The following ACOXL variants were observed in gnomAD, a reference collection of about 807,000 sequenced individuals.
ACOXL encodes the protein acyl-CoA oxidase like.
Under a neutral mutation model 71.9 loss-of-function variants are expected in ACOXL, and 70 were observed. The ratio of observed to expected loss-of-function variants is 0.97; its 90% CI spans 0.80 to 1.19. The LOEUF (loss-of-function observed/expected upper bound fraction) is 1.19. Ranked by LOEUF, ACOXL falls within the 50% of genes most tolerant of loss-of-function variation. The pLI is 0.00. For missense variants in ACOXL, 703 were observed against 736.3 expected, an observed-to-expected ratio of 0.95 and a Z score of 0.52; for synonymous variants, 253 against 281.6, an observed-to-expected ratio of 0.90 and a Z score of 1.02.
intron 12 of ACOXL, among the ~76,000 whole-genome samples, chr2:110,959,135 G>A (rs1421576670): frequency 1.3e-5 from 2 of 152,202 alleles, no homozygotes; most frequent in Non-Finnish European, 1.5e-5. Context: ...ATGGCCCCTT[G>A]GCCTGACTCA....
At chr2:110,759,666 A>G (rs186154420) in intron 1 of ACOXL, among the ~76,000 whole-genome samples, 1 of 152,264 alleles carries the variant, frequency 6.6e-6, no homozygotes, top group Admixed American at 6.5e-5. Context: ...TGCAAAGATC[A>G]TACTTCCATG....
chr2:111,050,391 T>C (rs1195808971), intron 16 of ACOXL, among the ~76,000 whole-genome samples: 2 of 152,218 alleles, frequency 1.3e-5, no homozygotes, highest in Non-Finnish European at 2.9e-5. Flanking sequence ...CTTAGAATGA[T>C]ATAGATTCAG....
chr2:111,024,669 A>G (rs1348113589), intron 14 of ACOXL, among the ~76,000 whole-genome samples: 5 of 152,124 alleles, frequency 3.3e-5, no homozygotes, highest in Non-Finnish European at 7.4e-5. Context: ...TCAAGGTCAC[A>G]TGGTGGCTGA....
intron 16 of ACOXL, among the ~76,000 whole-genome samples, chr2:111,089,906 G>C (rs938147994): frequency 1.3e-5 from 2 of 152,200 alleles, no homozygotes; most frequent in East Asian, 3.9e-4. Context: ...CCTTGGAGAA[G>C]AGAATTAACC....
At position 110,794,712 on chromosome 2, in the gene ACOXL, TTACTC is replaced by T. The variant is rs906176122; in HGVS notation, c.345+541_345+545del. 2.9e-4 allele frequency among the ~76,000 whole-genome samples: 44 copies of T among 152,214 alleles called. 1 individual carries two copies. The highest frequency in any genetic ancestry group is 1.5e-5 in the Non-Finnish European group (1 of 68,036). ...ACCAAACGGTCTGACTCTTCTACCTTTACTCTATATGGTCAATGCTGAGGTTTTTC... is the reference window on the plus strand; with the variant it reads ...ACCAAACGGTCTGACTCTTCTACCTTTATATGGTCAATGCTGAGGTTTTTC... On this transcript the variant is annotated intron_variant, in intron 5 of 17. Coordinates refer to ENST00000439055, the MANE Select transcript of ACOXL (RefSeq NM_001142807.4).
chr2:110,861,787 C>G (rs1480406893), intron 10 of ACOXL, among the ~76,000 whole-genome samples: 1 of 152,170 alleles, frequency 6.6e-6, no homozygotes, highest in East Asian at 1.9e-4. Flanking sequence ...ATCTTGCTCT[C>G]TGAGCTGTTG....
At chr2:110,895,044 C>A (rs1264882510) in intron 10 of ACOXL, among the ~76,000 whole-genome samples, 1 of 152,096 alleles carries the variant, frequency 6.6e-6, no homozygotes, top group Non-Finnish European at 1.5e-5. Context: ...ATATCTCAAA[C>A]TGAATGAGTA....
At chr2:111,028,191 AAAAT>A (rs988107762) in intron 14 of ACOXL, among the ~76,000 whole-genome samples, 1 of 152,000 alleles carries the variant, frequency 6.6e-6, no homozygotes, top group South Asian at 2.1e-4. Context: ...CCCTGTCTCA[AAAAT>A]AAATAAATAA....
At position 111,104,897 on chromosome 2, in the gene ACOXL, A is replaced by C. The variant is rs138486336; in HGVS notation, c.1542+11931A>C. ...TTACTGTCAAGTCTAAAAACTTTTC[A>C]CCTATTCCTAGATCCTGAAGGTATT... On this transcript the variant is annotated intron_variant, in intron 17 of 17. Coordinates refer to ENST00000439055, the MANE Select transcript of ACOXL (RefSeq NM_001142807.4). 5.7e-3 allele frequency among the ~76,000 whole-genome samples: 874 copies of C among 152,254 alleles called. 12 individuals carry two copies. The highest frequency in any genetic ancestry group is 0.02 in the African/African-American group (824 of 41,564).
At chr2:110,978,516 C>T (rs2062559143) in intron 12 of ACOXL, among the ~76,000 whole-genome samples, 3 of 152,134 alleles carry the variant, frequency 2.0e-5, no homozygotes. Context: ...GGTATAACTC[C>T]CCCAAAGGAA....
chr2:111,088,881 T>G (rs572372447), intron 16 of ACOXL, among the ~76,000 whole-genome samples: 1 of 152,314 alleles, frequency 6.6e-6, no homozygotes, highest in South Asian at 2.1e-4. Context: ...TCCAGATAGT[T>G]TATGTACAAA....
intron 9 of ACOXL, among the ~76,000 whole-genome samples, chr2:110,825,391 ATAATC>A (rs1417713824): frequency 6.6e-6 from 1 of 152,024 alleles, no homozygotes; most frequent in Non-Finnish European, 1.5e-5. Context: ...ACTCCCCTCT[ATAATC>A]TATCTGCTTG....
At chr2:110,953,622 G>A (rs1303463777) in intron 12 of ACOXL, among the ~76,000 whole-genome samples, 1 of 152,060 alleles carries the variant, frequency 6.6e-6, no homozygotes, top group East Asian at 1.9e-4. Flanking sequence ...TGTTGATAGT[G>A]GATTTGTCAG....
At chr2:111,095,391 CT>C (rs780172456) in intron 17 of ACOXL, among the ~76,000 whole-genome samples, 1,304 of 116,552 alleles carry the variant, frequency 0.011, 8 homozygotes, top group East Asian at 0.053. Context: ...TTTTCTTTTT[CT>C]TTTTTTTTTT....
chr2:110,927,526 T>C (rs1425379988), intron 11 of ACOXL, among the ~76,000 whole-genome samples: 1 of 152,184 alleles, frequency 6.6e-6, no homozygotes, highest in Admixed American at 6.5e-5. Context: ...CCTGATAATT[T>C]AGTGCTTATC....
chr2:111,099,505 G>T (rs1454947537), intron 17 of ACOXL: 1 of 152,222 alleles, frequency 6.6e-6, no homozygotes, highest in East Asian at 1.9e-4. Flanking sequence ...TGCTGTCCTA[G>T]TGTCTCCCTA....
chr2:111,083,721 A>C (rs2068052746), intron 16 of ACOXL, among the ~76,000 whole-genome samples: 1 of 152,108 alleles, frequency 6.6e-6, no homozygotes, highest in Admixed American at 6.6e-5. Flanking sequence ...ACCAGGCAAG[A>C]TACTACAAGA....
intron 12 of ACOXL, chr2:110,963,707 G>T (rs778592045): frequency 6.2e-7 from 1 of 1,613,802 alleles, no homozygotes; most frequent in South Asian, 1.1e-5. Context: ...ATGTTGTTAT[G>T]CTTCAGGTAA....
At chr2:110,875,143 G>A (rs910525277) in intron 10 of ACOXL, among the ~76,000 whole-genome samples, 3 of 152,284 alleles carry the variant, frequency 2.0e-5, no homozygotes, top group Middle Eastern at 3.4e-3. Flanking sequence ...GAGTGAGGCC[G>A]ACTTCCCACG....
Sources: gnomAD v4.1 joint callset for allele counts (sites outside exome capture counted in the v4.1 genomes callset) on GRCh38, gnomAD v4.1.1 for gene constraint, MANE v1.5 for transcripts, NCBI Gene and HGNC (gene_info 2026-07-23, HGNC 2026-07-21) for gene names.